The following THOC2 variants were observed in gnomAD, a reference collection of about 807,000 sequenced individuals.
The protein encoded by THOC2 is THO complex 2.
A neutral mutation model predicts 128.4 loss-of-function variants in THOC2; 10 were observed. The ratio of observed to expected loss-of-function variants is 0.08; its 90% CI spans 0.05 to 0.13. The LOEUF (loss-of-function observed/expected upper bound fraction) is 0.13. Ranked by LOEUF, THOC2 falls within the 10% of genes least tolerant of loss-of-function variation. The probability of loss-of-function intolerance (pLI) is 1.00; values close to 1 mark genes in which losing one functional copy is unlikely to be tolerated. For missense variants in THOC2, 535 were observed against 1,155.7 expected (o/e 0.46, Z 7.79); for synonymous variants, 393 against 396.9 (o/e 0.99, Z 0.12).
chrX:123,668,383 A>C lies in THOC2; in HGVS notation c.862-69T>G, dbSNP rs1010725297. On this transcript the variant is annotated intron_variant, in intron 9 of 38. Coordinates refer to ENST00000245838, the MANE Select transcript of THOC2 (RefSeq NM_001081550.2). ...CTACTTGTTCATATAAAAAGGAAAC[A>C]CTATTCTCAATTGATAAAACTATAA... 33 of 696,471 alleles carry C rather than the reference A, an allele frequency of 4.7e-5. No individual in the cohort carries two copies. In the Admixed American group the frequency reaches 9.8e-4, roughly 21 times the overall value. 57.4% of individuals were successfully genotyped at this position (696,471 alleles called of 1,213,427 possible).
chrX:123,667,465 G>A (rs1030869971), intron 10 of THOC2, among the ~76,000 whole-genome samples, 187 bp from the exon 11 acceptor site: 11 of 111,790 alleles, frequency 9.8e-5, no homozygotes, highest in Non-Finnish European at 2.1e-4. Context: ...AGGGCCAGGC[G>A]CAGCGGCTCA....
chrX:123,706,479 T>C (rs1328928078), intron 3 of THOC2, among the ~76,000 whole-genome samples: 1 of 108,718 alleles, frequency 9.2e-6, no homozygotes, highest in Non-Finnish European at 1.9e-5. Context: ...CATTAACTCA[T>C]CATTTACATT....
intron 9 of THOC2, among the ~76,000 whole-genome samples, chrX:123,670,356 C>T (rs2049223162): frequency 1.8e-5 from 2 of 112,866 alleles, no homozygotes; most frequent in South Asian, 3.6e-4. Context: ...TGGTGGCTCA[C>T]GCTTGTAATC....
chrX:123,720,295 A>C (rs2051633039), intron 1 of THOC2, among the ~76,000 whole-genome samples: 1 of 110,055 alleles, frequency 9.1e-6, no homozygotes, highest in African/African-American at 3.3e-5. Flanking sequence ...AAAAAATTTA[A>C]AAATTAGCGG....
chrX:123,623,944 C>T lies in THOC2; in HGVS notation c.3346G>A (p.Glu1116Lys). ...KASVHCLETGEYTHIRNILIV... is the reference protein window; with the variant it reads ...KASVHCLETGKYTHIRNILIV... ...AAGATATTCCTGATGTGAGTATATT[C>T]GCCTGTTTCAAGGCAATGTACCGAT... is the stretch of plus-strand genomic sequence containing the variant. Residue 1116 changes from glutamate to lysine, a missense_variant, in exon 28 of 39, where the codon GAA becomes AAA. This residue lies in a region of THOC2 where 20 missense variants were observed against 67.0 expected (regional missense o/e 0.30). Coordinates refer to ENST00000245838, the MANE Select transcript of THOC2 (RefSeq NM_001081550.2). 1.7e-6 allele frequency: 2 copies of T among 1,202,658 alleles called. No homozygotes were observed. Among genetic ancestry groups the T allele is most frequent in the Non-Finnish European group, 2.2e-6 (2 of 892,029 alleles).
At chrX:123,608,017 G>A (rs2046543635) in intron 38 of THOC2, among the ~76,000 whole-genome samples, 1 of 110,868 alleles carries the variant, frequency 9.0e-6, no homozygotes, top group African/African-American at 3.3e-5. Context: ...GGGAGACCAA[G>A]TCAAGCAGAT....
In THOC2 at chrX:123,677,211, G is replaced by A. The variant is rs183221814; in HGVS notation, c.769-5450C>T. Among the ~76,000 whole-genome samples the A allele has an allele frequency of 6.3e-5, 7 of 110,740 alleles. No individual in the cohort carries two copies. In the East Asian group the frequency reaches 8.5e-4, roughly 13 times the overall value. On this transcript the variant is annotated intron_variant, in intron 8 of 38. Transcript: ENST00000245838. Reference sequence around the variant, plus strand: ...CACAGAAAAGGAACAAAAAAATTACGGTATAAAATATTTAAAATGGTACAC... The same window carrying A: ...CACAGAAAAGGAACAAAAAAATTACAGTATAAAATATTTAAAATGGTACAC...
At chrX:123,643,263 C>A (rs1046579109) in intron 15 of THOC2, among the ~76,000 whole-genome samples, 10 of 111,324 alleles carry the variant, frequency 9.0e-5, no homozygotes, top group African/African-American at 3.3e-4. Flanking sequence ...AGGTTGGATG[C>A]AGGGAGGGAC....
intron 25 of THOC2, 101 bp from the exon 26 acceptor site, chrX:123,624,770 G>A: frequency 1.2e-6 from 1 of 806,689 alleles, no homozygotes; most frequent in Non-Finnish European, 1.7e-6. Flanking sequence ...AAACAGGTAA[G>A]CCTAGTCAAA....
In THOC2 at chrX:123,706,848, AC is replaced by A; in HGVS notation, c.222+9del. On this transcript the variant is annotated intron_variant, in intron 3 of 38. Coordinates refer to ENST00000245838, the MANE Select transcript of THOC2 (RefSeq NM_001081550.2). ...CAACTATTAACTTAAAAAAATATAT[AC>A]ATACTTACACTAATGTCACTAAGAA... The A allele has an allele frequency of 2.1e-6, 2 of 954,938 alleles. No individual in the cohort carries two copies. The highest frequency in any genetic ancestry group is 2.8e-6 in the Non-Finnish European group (2 of 708,291). The allele number at this position is 954,938 out of a possible 1,213,427, so 78.7% of individuals were successfully genotyped here. A position where few individuals can be genotyped will look rare whatever the true frequency, so the allele number is the denominator to read the frequency against.
At chrX:123,718,627 C>T (rs1019955173) in intron 1 of THOC2, among the ~76,000 whole-genome samples, 6 of 110,803 alleles carry the variant, frequency 5.4e-5, no homozygotes, top group African/African-American at 2.0e-4. Context: ...GGCATGGTGG[C>T]GCATGCCTGT....
intron 12 of THOC2, among the ~76,000 whole-genome samples, chrX:123,663,531 A>AT (rs201878448): frequency 0.04 from 3,288 of 83,228 alleles, 85 homozygotes; most frequent in African/African-American, 0.11. Context: ...CTCAAAGCTG[A>AT]TTTTTTTAAA....
chrX:123,627,116 G>A (rs953699508), intron 23 of THOC2, among the ~76,000 whole-genome samples: 1 of 112,070 alleles, frequency 8.9e-6, no homozygotes, highest in Non-Finnish European at 1.9e-5. Flanking sequence ...TCCTGCTCAG[G>A]AATCTAAAAT....
Position 123,619,440 on chromosome X carries a change from T to C in THOC2, c.4276-4A>G. The C allele has an allele frequency of 8.3e-7, 1 of 1,208,086 alleles. No individual in the cohort carries two copies. The highest frequency in any genetic ancestry group is 1.1e-6 in the Non-Finnish European group (1 of 892,993). ...CCTTGAGTTCGATGAGACTGTCCTG[T>C]AGAAAATGAATGGAGATGACAGGTG... On this transcript the variant is annotated splice_polypyrimidine_tract_variant and splice_region_variant and intron_variant, in intron 32 of 38. Coordinates refer to ENST00000245838, the MANE Select transcript of THOC2 (RefSeq NM_001081550.2).
chrX:123,653,685 A>G (rs2048451968), intron 12 of THOC2, among the ~76,000 whole-genome samples: 1 of 112,403 alleles, frequency 8.9e-6, no homozygotes. Flanking sequence ...ACTGGTCATT[A>G]GAGAAATGCA....
intron 12 of THOC2, among the ~76,000 whole-genome samples, chrX:123,660,102 A>G (rs1186097955): frequency 8.9e-6 from 1 of 112,038 alleles, no homozygotes; most frequent in Non-Finnish European, 1.9e-5. Context: ...TCTATGGTCA[A>G]AACTAACATT....
At chrX:123,700,562 T>TGGGGGGGGGGGGGGGGGG (rs2050661688) in intron 4 of THOC2, among the ~76,000 whole-genome samples, 1 of 12,405 alleles carries the variant, frequency 8.1e-5, no homozygotes, top group Non-Finnish European at 1.4e-4. Context: ...GGTGGGGGGG[T>TGGGGGGGGGGGGGGGGGG]GGGGAGGAAG....
At chrX:123,660,255 G>C in intron 12 of THOC2, among the ~76,000 whole-genome samples, 1 of 111,361 alleles carries the variant, frequency 9.0e-6, no homozygotes, top group Non-Finnish European at 1.9e-5. Context: ...TACCAAGTGT[G>C]TATCTTGGTA....
chrX:123,690,692 G>C (rs937255353), intron 7 of THOC2, among the ~76,000 whole-genome samples: 2 of 111,804 alleles, frequency 1.8e-5, no homozygotes, highest in Admixed American at 9.5e-5. Context: ...TTTCAGGCAA[G>C]AAAACGGAAT....
Sources: gnomAD v4.1 joint callset for allele counts (sites outside exome capture counted in the v4.1 genomes callset) on GRCh38, gnomAD v4.1.1 for gene constraint, gnomAD v4.1.1 regional missense constraint, MANE v1.5 for transcripts, NCBI Gene and HGNC (gene_info 2026-07-23, HGNC 2026-07-21) for gene names.